HSD17B13: variants seen among roughly 807,000 people sequenced by gnomAD.
HSD17B13 encodes hydroxysteroid 17-beta dehydrogenase 13, also known as 17-beta-hydroxysteroid dehydrogenase 13.
Under a neutral mutation model 31.1 loss-of-function variants are expected in HSD17B13, and 26 were observed. The ratio of observed to expected loss-of-function variants is 0.84; its 90% CI spans 0.61 to 1.16. The LOEUF is 1.16. Ranked by LOEUF, HSD17B13 falls within the 50% of genes most tolerant of loss-of-function variation. The pLI is 0.00. For synonymous variants in HSD17B13, 141 were observed against 133.7 expected (o/e 1.05, Z -0.38); for missense variants, 374 against 366.5 (o/e 1.02, Z -0.17).
intron 6 of HSD17B13, among the ~76,000 whole-genome samples, chr4:87,306,066 C>T (rs1221838096): frequency 6.6e-6 from 1 of 152,160 alleles, no homozygotes; most frequent in East Asian, 1.9e-4. Context: ...CATTCCCTCT[C>T]CAAGGAGTGC....
At chr4:87,321,742 A>G (rs899766303) in intron 1 of HSD17B13, among the ~76,000 whole-genome samples, 1 of 152,218 alleles carries the variant, frequency 6.6e-6, no homozygotes, top group Non-Finnish European at 1.5e-5. Flanking sequence ...TAGTTCTCTA[A>G]GTGTAAGAGA....
At chr4:87,314,106 ATTCATT>A in intron 4 of HSD17B13, 146 bp from the exon 5 acceptor site, 5 of 495,998 alleles carry the variant, frequency 1.0e-5, no homozygotes, top group Non-Finnish European at 1.8e-5. Context: ...ATAAATGGCA[ATTCATT>A]TTCATTTTCT....
At chr4:87,317,281 G>A in intron 2 of HSD17B13, 58 bp from the exon 3 acceptor site, 1 of 1,560,038 alleles carries the variant, frequency 6.4e-7, no homozygotes, top group Non-Finnish European at 8.8e-7. Flanking sequence ...AAAGTTTTGG[G>A]ACCAATATAA....
In HSD17B13 at chr4:87,318,393, ACGCCTAG is replaced by A. The variant is rs751360581; in HGVS notation, c.247_253del (p.Leu83SerfsTer8). The A allele has an allele frequency of 1.2e-6, 2 of 1,614,192 alleles. No homozygotes were observed. Among genetic ancestry groups the A allele is most frequent in the Non-Finnish European group, 1.7e-6 (2 of 1,180,026 alleles). On this transcript the variant is annotated frameshift_variant, in exon 2 of 7. Transcript: ENST00000328546. LOFTEE classifies it high-confidence loss of function. ...GTCTACCACATACGCATGCGCAGTGACGCCTAGTTTTCGGCACTCAGCTGCAGTTTCC... is the reference window on the plus strand; with the variant it reads ...GTCTACCACATACGCATGCGCAGTGATTTTCGGCACTCAGCTGCAGTTTCC...
In HSD17B13 at chr4:87,304,095, G is replaced by A. The variant is rs921429750; in HGVS notation, c.*1123C>T. ...GAGGCCGAGGCAGGTGGATCACGAG[G>A]TCAGGAGATCGAGACCATCTTGGCT... On this transcript the variant is annotated 3_prime_UTR_variant, in exon 7 of 7. Coordinates refer to ENST00000328546, the MANE Select transcript of HSD17B13 (RefSeq NM_178135.5). 2 of 151,864 alleles carry A rather than the reference G, an allele frequency of 1.3e-5. No homozygotes were observed. Among genetic ancestry groups the A allele is most frequent in the African/African-American group, 4.8e-5 (2 of 41,338 alleles). 9.4% of individuals were successfully genotyped at this position (151,864 alleles called of 1,614,324 possible).
In HSD17B13 at chr4:87,310,287, C is replaced by G. The variant is rs1463383779; in HGVS notation, c.768G>C (p.Met256Ile). ...TATTGATATACGATGGAACAAAAAT[C>G]ATTTTCTTATTGGTAAGTATTCCAT... is the stretch of plus-strand genomic sequence containing the variant. ...LIDGILTNKK[M>I]IFVPSYINIF... Residue 256 changes from methionine to isoleucine, a missense_variant, in exon 6 of 7, where the codon ATG becomes ATC. By Grantham distance (10) the Met-to-Ile change is conservative. Transcript: ENST00000328546. The G allele has an allele frequency of 2.5e-6, 4 of 1,583,002 alleles. No individual in the cohort carries two copies. The African/African-American group carries it at 5.5e-5, about 22-fold the overall frequency.
At chr4:87,312,649 C>T (rs953925381) in intron 5 of HSD17B13, among the ~76,000 whole-genome samples, 11 of 150,742 alleles carry the variant, frequency 7.3e-5, no homozygotes, top group Non-Finnish European at 1.5e-4. Context: ...CCTGCCTCAG[C>T]CTCCCGCGCA....
chr4:87,310,817 G>A (rs1416418891), intron 5 of HSD17B13, among the ~76,000 whole-genome samples: 6 of 152,176 alleles, frequency 3.9e-5, no homozygotes, highest in African/African-American at 1.2e-4. Context: ...TGTCAGAGGC[G>A]TTTAAATCAG....
rs765811976 is a variant in HSD17B13, at chr4:87,322,683, A to G, written c.159T>C (p.Thr53=). Residue 53 remains threonine (T), a synonymous_variant, in exon 1 of 7, where the codon ACT becomes ACC. Coordinates refer to ENST00000328546, the MANE Select transcript of HSD17B13 (RefSeq NM_178135.5). The stretch of plus-strand genomic sequence containing the variant: ...TGCTCTGTCGTTTTGCAAATTCATA[A>G]GTAGTCTGCCTGCCTATTCCATGCC... The part of the protein sequence containing the change: ...GAGHGIGRQT[T]YEFAKRQSIL... 1.9e-6 allele frequency: 3 copies of G among 1,614,196 alleles called. No homozygotes were observed. In the Admixed American group the frequency reaches 5.0e-5, roughly 27 times the overall value.
chr4:87,317,368 G>T, intron 2 of HSD17B13, 145 bp from the exon 3 acceptor site: 1 of 734,454 alleles, frequency 1.4e-6, no homozygotes, highest in Non-Finnish European at 2.2e-6. Flanking sequence ...AGCTCAAATC[G>T]TGGAGGCCAA....
At chr4:87,310,186 G>GAAAA in intron 6 of HSD17B13, 57 bp downstream of exon 6, 1 of 1,347,572 alleles carries the variant, frequency 7.4e-7, no homozygotes, top group Non-Finnish European at 9.6e-7. Context: ...AAAAAAAAAA[G>GAAAA]CAAAAAAAAA....
chr4:87,312,630 C>T (rs1734556698), intron 5 of HSD17B13, among the ~76,000 whole-genome samples: 2 of 149,542 alleles, frequency 1.3e-5, no homozygotes, highest in Non-Finnish European at 3.0e-5. Context: ...CCCGGGTTCA[C>T]GCCATTCTCC....
intron 2 of HSD17B13, among the ~76,000 whole-genome samples, chr4:87,317,584 T>TC (rs1253287514): frequency 7.5e-6 from 1 of 133,464 alleles, no homozygotes; most frequent in East Asian, 2.1e-4. Context: ...TTTTTTTTTT[T>TC]TTTTTTTAGA....
chr4:87,312,276 G>A (rs1376555196), intron 5 of HSD17B13, among the ~76,000 whole-genome samples: 1 of 152,088 alleles, frequency 6.6e-6, no homozygotes, highest in Non-Finnish European at 1.5e-5. Flanking sequence ...GTGAGACAAC[G>A]TAGCAAATGT....
In HSD17B13 at chr4:87,318,413, A is replaced by C; in HGVS notation, c.234T>G (p.Ala78=). The change falls in exon 2 of 7, where the codon GCT becomes GCG. Residue 78 remains alanine (A), a synonymous_variant. Transcript: ENST00000328546. ...INKRGVEETA[A]ECRKLGVTAH... is the part of the protein sequence containing the mutation. ...CAGTGACGCCTAGTTTTCGGCACTCAGCTGCAGTTTCCTCCACACCGCGCT... is the reference window on the plus strand; with the variant it reads ...CAGTGACGCCTAGTTTTCGGCACTCCGCTGCAGTTTCCTCCACACCGCGCT... 6.2e-7 allele frequency: 1 copy of C among 1,614,190 alleles called. No individual in the cohort carries two copies. The highest frequency in any genetic ancestry group is 8.5e-7 in the Non-Finnish European group (1 of 1,179,984).
intron 1 of HSD17B13, among the ~76,000 whole-genome samples, chr4:87,319,257 C>T (rs1392392030): frequency 6.6e-6 from 1 of 152,186 alleles, no homozygotes; most frequent in African/African-American, 2.4e-5. Flanking sequence ...AATGAGATTA[C>T]CCCTGGCTTT....
chr4:87,321,951 T>C (rs1161623201), intron 1 of HSD17B13, among the ~76,000 whole-genome samples: 1 of 152,234 alleles, frequency 6.6e-6, no homozygotes, highest in Non-Finnish European at 1.5e-5. Context: ...GAGAAAATGA[T>C]ACAAGATTTC....
intron 1 of HSD17B13, among the ~76,000 whole-genome samples, chr4:87,320,852 T>C (rs1279234521): frequency 3.3e-5 from 5 of 152,112 alleles, no homozygotes; most frequent in Non-Finnish European, 7.4e-5. Context: ...GTGTCTCTCA[T>C]CTCACAGGGC....
intron 5 of HSD17B13, among the ~76,000 whole-genome samples, chr4:87,311,002 C>T (rs1447262238): frequency 6.6e-6 from 1 of 151,498 alleles, no homozygotes; most frequent in African/African-American, 2.4e-5. Context: ...GGCCAAAACC[C>T]ACCAAAACCA....
Sources: gnomAD v4.1 joint callset for allele counts (sites outside exome capture counted in the v4.1 genomes callset) on GRCh38, gnomAD v4.1.1 for gene constraint, MANE v1.5 for transcripts, NCBI Gene and HGNC (gene_info 2026-07-23, HGNC 2026-07-21) for gene names.